The following MNAT1 variants were observed in gnomAD, a reference collection of about 807,000 sequenced individuals.
MNAT1 encodes MNAT1 component of CDK activating kinase.
MNAT1 carries 43 observed loss-of-function variants against 42.0 expected under a neutral mutation model. That is an observed-to-expected ratio of 1.02 (90% CI 0.80 to 1.32). The LOEUF (loss-of-function observed/expected upper bound fraction) is 1.32, where lower values mean the gene tolerates loss of function less well. MNAT1 is among the 40% of genes most tolerant of loss of function. The probability of loss-of-function intolerance (pLI) is 0.00; values close to 1 mark genes in which losing one functional copy is unlikely to be tolerated. For synonymous variants in MNAT1, 118 were observed against 120.0 expected, an observed-to-expected ratio of 0.98 and a Z score of 0.11; for missense variants, 306 against 350.4, an observed-to-expected ratio of 0.87 and a Z score of 1.01.
At chr14:60,848,873 G>T (rs1177935613) in intron 6 of MNAT1, among the ~76,000 whole-genome samples, 2 of 152,106 alleles carry the variant, frequency 1.3e-5, no homozygotes, top group African/African-American at 4.8e-5. Context: ...TTTAGTATTT[G>T]CATTGAGACA....
chr14:60,913,264 T>A lies in MNAT1; in HGVS notation c.809+33429T>A, dbSNP rs974623839. On this transcript the variant is annotated intron_variant, in intron 7 of 7. Coordinates refer to ENST00000261245, the MANE Select transcript of MNAT1 (RefSeq NM_002431.4). ...TCAAAGTTTTTAACTTCTTTGCAAT[T>A]GGTTTGAACTTCCTCCTTTAGCTCG... is the stretch of plus-strand genomic sequence containing the variant. 2.0e-5 allele frequency among the ~76,000 whole-genome samples: 3 copies of A among 152,174 alleles called. No homozygotes were observed. In the East Asian group the frequency reaches 5.8e-4, roughly 29 times the overall value.
At chr14:60,955,682 A>C (rs1436428942) in intron 7 of MNAT1, among the ~76,000 whole-genome samples, 8 of 152,138 alleles carry the variant, frequency 5.3e-5, no homozygotes, top group Non-Finnish European at 4.4e-5. Flanking sequence ...AATAAATAAA[A>C]GATTCAATCT....
At chr14:60,934,378 A>C (rs1459209838) in intron 7 of MNAT1, among the ~76,000 whole-genome samples, 1 of 152,130 alleles carries the variant, frequency 6.6e-6, no homozygotes, top group East Asian at 1.9e-4. Context: ...CTTTACACCC[A>C]ACTGTAAACT....
At chr14:60,805,514 A>G (rs1594766727) in intron 3 of MNAT1, among the ~76,000 whole-genome samples, 1 of 152,210 alleles carries the variant, frequency 6.6e-6, no homozygotes, top group East Asian at 1.9e-4. Context: ...ATTATATCAT[A>G]CAGAGTCATT....
At chr14:60,831,223 AC>A (rs996851397) in intron 6 of MNAT1, among the ~76,000 whole-genome samples, 7 of 151,596 alleles carry the variant, frequency 4.6e-5, no homozygotes, top group Non-Finnish European at 8.8e-5. Flanking sequence ...TTCTTGGGAT[AC>A]ATGTGGAGGT....
intron 7 of MNAT1, among the ~76,000 whole-genome samples, chr14:60,897,687 A>G (rs1312752930): frequency 1.3e-5 from 2 of 152,170 alleles, no homozygotes; most frequent in Admixed American, 6.5e-5. Flanking sequence ...GTAATTATCA[A>G]GTCAGGATAT....
At chr14:60,868,452 C>G (rs982898282) in intron 6 of MNAT1, among the ~76,000 whole-genome samples, 2 of 152,282 alleles carry the variant, frequency 1.3e-5, no homozygotes, top group Middle Eastern at 3.4e-3. Context: ...AGTAAGGTAA[C>G]ATATTCTGTA....
rs144750115 is a variant in MNAT1, at chr14:60,750,372, A to G, written c.89+15421A>G. On this transcript the variant is annotated intron_variant, in intron 1 of 7. Coordinates refer to ENST00000261245, the MANE Select transcript of MNAT1 (RefSeq NM_002431.4). ...CTCCCGAGTAGCTGGGACTACAGGC[A>G]TCTGCCACCACGCCCGGCCAATCTT... 4.9e-3 allele frequency among the ~76,000 whole-genome samples: 745 copies of G among 151,734 alleles called. 10 individuals carry two copies. The highest frequency in any genetic ancestry group is 0.016 in the African/African-American group (671 of 41,398).
chr14:60,908,186 GT>G (rs1005651137), intron 7 of MNAT1, among the ~76,000 whole-genome samples: 2 of 151,958 alleles, frequency 1.3e-5, no homozygotes, highest in African/African-American at 4.8e-5. Flanking sequence ...AGATATTTTA[GT>G]TTGTTACTTA....
intron 1 of MNAT1, among the ~76,000 whole-genome samples, chr14:60,781,794 G>A (rs556633555): frequency 7.7e-4 from 117 of 151,952 alleles, no homozygotes; most frequent in Non-Finnish European, 1.3e-3. Context: ...GAAAGATAGG[G>A]ATCTAGTTTT....
chr14:60,922,288 C>T (rs2035678007), intron 7 of MNAT1, among the ~76,000 whole-genome samples: 1 of 152,036 alleles, frequency 6.6e-6, no homozygotes, highest in Non-Finnish European at 1.5e-5. Context: ...TTTTCTATTG[C>T]TCATGATGTA....
chr14:60,775,700 A>G (rs2031228139), intron 1 of MNAT1, among the ~76,000 whole-genome samples: 1 of 152,134 alleles, frequency 6.6e-6, no homozygotes, highest in Admixed American at 6.6e-5. Flanking sequence ...AACCTGAAGG[A>G]ATGCAGTTAA....
At chr14:60,826,197 CA>C (rs2033047844) in intron 6 of MNAT1, among the ~76,000 whole-genome samples, 2 of 151,824 alleles carry the variant, frequency 1.3e-5, no homozygotes, top group African/African-American at 4.8e-5. Context: ...ATTAAACTGT[CA>C]GGGAGTGGAG....
intron 7 of MNAT1, among the ~76,000 whole-genome samples, chr14:60,941,883 A>G (rs2036169636): frequency 6.6e-6 from 1 of 150,910 alleles, no homozygotes; most frequent in Non-Finnish European, 1.5e-5. Flanking sequence ...GGGCGCCTGT[A>G]ATTGCAGCTA....
intron 7 of MNAT1, among the ~76,000 whole-genome samples, chr14:60,929,555 A>C (rs2035842498): frequency 6.6e-6 from 1 of 152,100 alleles, no homozygotes; most frequent in African/African-American, 2.4e-5. Flanking sequence ...TTCTTTCCTC[A>C]CTGAACTCCC....
At chr14:60,774,235 T>C (rs1199989932) in intron 1 of MNAT1, among the ~76,000 whole-genome samples, 1 of 152,180 alleles carries the variant, frequency 6.6e-6, no homozygotes, top group Admixed American at 6.5e-5. Context: ...TGACATTTGA[T>C]TTGATACTTG....
In MNAT1 at chr14:60,862,912, T is replaced by C. The variant is rs1370950754; in HGVS notation, c.688-16802T>C. On this transcript the variant is annotated intron_variant, in intron 6 of 7. Coordinates refer to ENST00000261245, the MANE Select transcript of MNAT1 (RefSeq NM_002431.4). The stretch of plus-strand genomic sequence containing the variant: ...ACATAATGAAGGTAGGATATGATGG[T>C]GGTAGAACAAAGTGTGCAGGGATAT... 2.0e-5 allele frequency among the ~76,000 whole-genome samples: 3 copies of C among 152,104 alleles called. No individual in the cohort carries two copies. In the East Asian group the frequency reaches 5.8e-4, roughly 29 times the overall value.
At chr14:60,907,677 G>A (rs914782558) in intron 7 of MNAT1, among the ~76,000 whole-genome samples, 1 of 151,068 alleles carries the variant, frequency 6.6e-6, no homozygotes, top group Non-Finnish European at 1.5e-5. Flanking sequence ...AGCTACTCAC[G>A]GGGCTGAGGC....
intron 7 of MNAT1, among the ~76,000 whole-genome samples, chr14:60,896,593 C>T (rs1243342077): frequency 6.6e-6 from 1 of 152,164 alleles, no homozygotes; most frequent in African/African-American, 2.4e-5. Context: ...TCACGCAACT[C>T]TCCTGCTTCA....
Sources: gnomAD v4.1 joint callset for allele counts (sites outside exome capture counted in the v4.1 genomes callset) on GRCh38, gnomAD v4.1.1 for gene constraint, MANE v1.5 for transcripts, NCBI Gene and HGNC (gene_info 2026-07-23, HGNC 2026-07-21) for gene names.